Variants in RPS6KC1 observed in about 807,000 individuals in gnomAD.
The protein encoded by RPS6KC1 is inactive ribosomal protein S6 kinase delta-1.
In RPS6KC1, 54 loss-of-function variants were observed where a neutral mutation model predicts 103.8. That is an observed-to-expected ratio of 0.52 (90% confidence interval 0.42 to 0.65). RPS6KC1 has a LOEUF of 0.65. Among genes scored for constraint, RPS6KC1 ranks in the 30% least tolerant of loss-of-function variants. RPS6KC1 has a pLI of 0.00. For synonymous variants in RPS6KC1, 439 were observed against 438.7 expected (o/e 1.00, Z -0.01); for missense variants, 1,151 against 1,253.8 (o/e 0.92, Z 1.24).
chr1:213,778,400 T>A, the RPS6KC1 span, among the ~76,000 whole-genome samples: 1 of 152,174 alleles, frequency 6.6e-6, no homozygotes, highest in East Asian at 1.9e-4. Context: ...AATGCACTTG[T>A]ACTAAAATGC....
the RPS6KC1 span, among the ~76,000 whole-genome samples, chr1:213,532,549 C>T: frequency 6.6e-6 from 1 of 152,178 alleles, no homozygotes. Flanking sequence ...TTTCTGCTTA[C>T]TAAGAACCGT....
At chr1:213,240,379 A>G (rs1286471785) in intron 10 of RPS6KC1, among the ~76,000 whole-genome samples, 1 of 152,172 alleles carries the variant, frequency 6.6e-6, no homozygotes, top group Non-Finnish European at 1.5e-5. Context: ...TTCTAAGACT[A>G]AATGATATTT....
chr1:213,796,992 A>T, the RPS6KC1 span, among the ~76,000 whole-genome samples: 18 of 152,244 alleles, frequency 1.2e-4, no homozygotes, highest in Non-Finnish European at 2.1e-4. Flanking sequence ...ATGTCCAAAC[A>T]GAAAGTAACT....
the RPS6KC1 span, among the ~76,000 whole-genome samples, chr1:213,776,899 G>A: frequency 4.8e-5 from 7 of 146,750 alleles, no homozygotes; most frequent in East Asian, 2.1e-4. Context: ...GATTCATACT[G>A]TACTTTATTT....
intron 4 of RPS6KC1, among the ~76,000 whole-genome samples, chr1:213,116,902 G>A (rs995265373): frequency 2.0e-5 from 3 of 152,186 alleles, no homozygotes; most frequent in African/African-American, 7.2e-5. Context: ...CTGGCTTGTA[G>A]AGTTTCTGCA....
chr1:213,546,753 C>G, the RPS6KC1 span, among the ~76,000 whole-genome samples: 3 of 152,156 alleles, frequency 2.0e-5, no homozygotes, highest in African/African-American at 7.2e-5. Context: ...CCTCCCCCAC[C>G]AACCCTCACA....
At chr1:213,682,167 G>C in the RPS6KC1 span, among the ~76,000 whole-genome samples, 1 of 152,246 alleles carries the variant, frequency 6.6e-6, no homozygotes, top group Non-Finnish European at 1.5e-5. Context: ...CTCCAGGTCA[G>C]TTGGTCACCT....
At chr1:213,830,281 G>A in the RPS6KC1 span, among the ~76,000 whole-genome samples, 1 of 152,090 alleles carries the variant, frequency 6.6e-6, no homozygotes, top group Non-Finnish European at 1.5e-5. Flanking sequence ...AAAACATACT[G>A]GGCGGGTCAT....
chr1:213,302,990 AATTTGCGTTTTTAACAAG>A, the RPS6KC1 span, among the ~76,000 whole-genome samples: 160 of 152,218 alleles, frequency 1.1e-3, no homozygotes, highest in African/African-American at 3.8e-3. Flanking sequence ...ATAGAAACAG[AATTTGCGTTTTTAACAAG>A]ATCCCCGGGT....
At chr1:213,283,971 C>G in the RPS6KC1 span, among the ~76,000 whole-genome samples, 21 of 151,570 alleles carry the variant, frequency 1.4e-4, no homozygotes, top group African/African-American at 4.8e-4. Flanking sequence ...ACATTAAGTG[C>G]CACTCAAAGA....
chr1:213,828,574 C>A, the RPS6KC1 span, among the ~76,000 whole-genome samples: 1 of 152,182 alleles, frequency 6.6e-6, no homozygotes, highest in Admixed American at 6.5e-5. Context: ...TTGTTCCTAA[C>A]TAGCTGGGCG....
At position 213,103,466 on chromosome 1, in the gene RPS6KC1, A is replaced by G. The variant is rs139228547; in HGVS notation, c.263-988A>G. 3.6e-3 allele frequency among the ~76,000 whole-genome samples: 545 copies of G among 152,318 alleles called. 4 individuals carry two copies. The highest frequency in any genetic ancestry group is 0.012 in the African/African-American group (512 of 41,570). ...GAGGAAATAATCTGCCTAAGATTTTATAGCTAGTGAATGATAGAGGTAGTA... is the reference window on the plus strand; with the variant it reads ...GAGGAAATAATCTGCCTAAGATTTTGTAGCTAGTGAATGATAGAGGTAGTA... On this transcript the variant is annotated intron_variant, in intron 3 of 14. Transcript: ENST00000366960.
the RPS6KC1 span, among the ~76,000 whole-genome samples, chr1:213,668,965 G>C: frequency 1.3e-5 from 2 of 152,296 alleles, no homozygotes; most frequent in East Asian, 1.9e-4. Flanking sequence ...CTAGGGGCTT[G>C]TTCTGTATTT....
At chr1:213,853,761 T>C in the RPS6KC1 span, among the ~76,000 whole-genome samples, 3 of 152,246 alleles carry the variant, frequency 2.0e-5, no homozygotes, top group Non-Finnish European at 4.4e-5. Context: ...TCAGGTTGGA[T>C]TGATGGCCTG....
chr1:213,497,403 C>T, the RPS6KC1 span, among the ~76,000 whole-genome samples: 35 of 143,812 alleles, frequency 2.4e-4, no homozygotes, highest in African/African-American at 1.0e-3. Context: ...GGAAATTTTC[C>T]CCAAACACCA....
At chr1:213,533,499 A>G in the RPS6KC1 span, among the ~76,000 whole-genome samples, 15 of 152,156 alleles carry the variant, frequency 9.9e-5, no homozygotes, top group African/African-American at 3.6e-4. Flanking sequence ...GATAACTGTA[A>G]CTTTCTGTAG....
the RPS6KC1 span, among the ~76,000 whole-genome samples, chr1:213,301,637 T>C: frequency 6.6e-6 from 1 of 152,158 alleles, no homozygotes. Flanking sequence ...AGTTCCAGGC[T>C]GCAGTGAGCT....
At chr1:213,722,899 C>T in the RPS6KC1 span, among the ~76,000 whole-genome samples, 5 of 152,304 alleles carry the variant, frequency 3.3e-5, no homozygotes, top group Non-Finnish European at 5.9e-5. Context: ...AGTATTCTGG[C>T]CGGGCAAGGT....
At chr1:213,089,364 G>T (rs550605964) in intron 3 of RPS6KC1, among the ~76,000 whole-genome samples, 1 of 151,564 alleles carries the variant, frequency 6.6e-6, no homozygotes, top group Non-Finnish European at 1.5e-5. Context: ...AATATCAATG[G>T]TTCCTTACTT....
Sources: allele counts gnomAD v4.1 joint callset (sites outside exome capture counted in the v4.1 genomes callset), GRCh38; gene constraint gnomAD v4.1.1; transcripts MANE v1.5; gene names NCBI Gene and HGNC (gene_info 2026-07-23, HGNC 2026-07-21).